Variants in VPS45 observed in about 807,000 individuals in gnomAD.
The protein encoded by VPS45 is vacuolar protein sorting 45 homolog.
In VPS45, 35 loss-of-function variants were observed where a neutral mutation model predicts 75.9. The ratio of observed to expected loss-of-function variants is 0.46; its 90% CI spans 0.35 to 0.61. VPS45 has a LOEUF of 0.61. Among genes scored for constraint, VPS45 ranks in the 20% least tolerant of loss-of-function variants. The pLI is 0.00. For missense variants in VPS45, 559 were observed against 685.9 expected, an observed-to-expected ratio of 0.81 and a Z score of 2.07; for synonymous variants, 220 against 238.2, an observed-to-expected ratio of 0.92 and a Z score of 0.70.
At chr1:150,100,525 G>A (rs1553804020) in intron 13 of VPS45, among the ~76,000 whole-genome samples, 1 of 152,064 alleles carries the variant, frequency 6.6e-6, no homozygotes, top group African/African-American at 2.4e-5. Context: ...AAATAGCCAA[G>A]GCAATCCTAA....
At chr1:150,131,676 T>TTAAA (rs1370833138) in intron 14 of VPS45, among the ~76,000 whole-genome samples, 1 of 139,274 alleles carries the variant, frequency 7.2e-6, no homozygotes, top group Non-Finnish European at 1.5e-5. Flanking sequence ...TTTTTGTCTC[T>TTAAA]AAAAAAAAAA....
chr1:150,090,386 G>A (rs587763659), intron 10 of VPS45, among the ~76,000 whole-genome samples: 1 of 151,958 alleles, frequency 6.6e-6, no homozygotes, highest in East Asian at 1.9e-4. Context: ...TTCAGCTTTT[G>A]CTTTTTGTTT....
At chr1:150,071,693 C>T (rs1317239676) in intron 2 of VPS45, among the ~76,000 whole-genome samples, 3 of 149,860 alleles carry the variant, frequency 2.0e-5, no homozygotes, top group African/African-American at 7.4e-5. Context: ...GAGGCTGAGA[C>T]AGGAGAATTG....
At chr1:150,097,952 A>G (rs1035402559) in intron 13 of VPS45, among the ~76,000 whole-genome samples, 1 of 151,970 alleles carries the variant, frequency 6.6e-6, no homozygotes, top group African/African-American at 2.4e-5. Context: ...TTTTGGGCTT[A>G]AGCCATCCCA....
At chr1:150,113,724 C>T (rs1343391904) in intron 14 of VPS45, among the ~76,000 whole-genome samples, 3 of 151,538 alleles carry the variant, frequency 2.0e-5, no homozygotes, top group Non-Finnish European at 4.4e-5. Context: ...GGTGAAACCC[C>T]GTCTCTACTA....
chr1:150,135,610 G>A (rs994544676), intron 14 of VPS45, among the ~76,000 whole-genome samples: 1 of 151,496 alleles, frequency 6.6e-6, no homozygotes, highest in African/African-American at 2.4e-5. Context: ...AAAGAAAGAT[G>A]TAAGCTGATA....
chr1:150,088,946 A>T (rs1190280782), intron 10 of VPS45, among the ~76,000 whole-genome samples: 1 of 152,326 alleles, frequency 6.6e-6, no homozygotes, highest in Admixed American at 6.5e-5. Context: ...TTGCTAAATC[A>T]TATAGTAGTT....
chr1:150,076,063 A>AAT (rs71825614), intron 3 of VPS45, among the ~76,000 whole-genome samples, 170 bp from the exon 4 acceptor site: 4,618 of 139,976 alleles, frequency 0.033, 97 homozygotes, highest in Middle Eastern at 0.043. Context: ...GTCCTTTTAA[A>AAT]ATATATATAT....
At chr1:150,104,255 C>T (rs1229303844) in intron 13 of VPS45, among the ~76,000 whole-genome samples, 1 of 152,152 alleles carries the variant, frequency 6.6e-6, no homozygotes, top group Admixed American at 6.6e-5. Context: ...GTTTAACTCC[C>T]ATTTATAAGT....
chr1:150,079,073 T>C (rs1014044231), intron 7 of VPS45, among the ~76,000 whole-genome samples: 3 of 147,506 alleles, frequency 2.0e-5, no homozygotes, highest in Non-Finnish European at 4.4e-5. Flanking sequence ...ATCATGCCAC[T>C]GTCCTCCAGC....
chr1:150,138,806 G>A (rs6688715), intron 14 of VPS45, among the ~76,000 whole-genome samples: 108 of 151,992 alleles, frequency 7.1e-4, no homozygotes, highest in African/African-American at 2.4e-3. Context: ...CATACTTAAC[G>A]TGATCAAAAC....
At chr1:150,096,466 G>T (rs2101576654) in intron 13 of VPS45, among the ~76,000 whole-genome samples, 1 of 152,322 alleles carries the variant, frequency 6.6e-6, no homozygotes, top group African/African-American at 2.4e-5. Flanking sequence ...AGTTTAGATT[G>T]TAAGCATGGA....
chr1:150,118,010 A>C (rs1280689645), intron 14 of VPS45, among the ~76,000 whole-genome samples: 1 of 152,044 alleles, frequency 6.6e-6, no homozygotes, highest in African/African-American at 2.4e-5. Flanking sequence ...ACGGTGGCTC[A>C]CGCCTGTAAT....
chr1:150,081,674 G>A (rs587684656), intron 8 of VPS45, among the ~76,000 whole-genome samples, 198 bp downstream of exon 8: 2 of 152,226 alleles, frequency 1.3e-5, no homozygotes, highest in South Asian at 2.1e-4. Context: ...TAGAGATCAC[G>A]TAGTTATTTA....
At chr1:150,109,781 A>G (rs1657545015) in intron 13 of VPS45, 1 of 152,222 alleles carries the variant, frequency 6.6e-6, no homozygotes, top group African/African-American at 2.4e-5. Flanking sequence ...GTAAAACAAC[A>G]CAGTGCTACC....
intron 14 of VPS45, among the ~76,000 whole-genome samples, chr1:150,131,663 CTT>C (rs35766167): frequency 9.1e-6 from 1 of 110,014 alleles, no homozygotes; most frequent in African/African-American, 3.2e-5. Context: ...AGCCCAGACT[CTT>C]TTTTTGTCTC....
intron 13 of VPS45, among the ~76,000 whole-genome samples, chr1:150,095,668 G>A (rs868996214): frequency 2.6e-5 from 4 of 151,514 alleles, no homozygotes; most frequent in Non-Finnish European, 2.9e-5. Context: ...CCAAAGCAGA[G>A]GGAAACACCA....
At chr1:150,109,510 T>G (rs1468604379) in intron 13 of VPS45, 1 of 152,096 alleles carries the variant, frequency 6.6e-6, no homozygotes, top group Non-Finnish European at 1.5e-5. Flanking sequence ...AGGGTTGGGG[T>G]TTTTTTCATG....
chr1:150,097,748 G>A (rs1421297862), intron 13 of VPS45, among the ~76,000 whole-genome samples: 2 of 151,682 alleles, frequency 1.3e-5, no homozygotes, highest in African/African-American at 4.8e-5. Flanking sequence ...CAAAAAAAGT[G>A]TACATGTATA....
Sources: allele counts gnomAD v4.1 joint callset (sites outside exome capture counted in the v4.1 genomes callset), GRCh38; gene constraint gnomAD v4.1.1; transcripts MANE v1.5; gene names NCBI Gene and HGNC (gene_info 2026-07-23, HGNC 2026-07-21).